The following DNER variants were observed in gnomAD, a reference collection of about 807,000 sequenced individuals.
DNER encodes the protein delta and Notch-like epidermal growth factor-related receptor.
Under a neutral mutation model 78.2 loss-of-function variants are expected in DNER, and 33 were observed. The ratio of observed to expected loss-of-function variants is 0.42; its 90% CI spans 0.32 to 0.56. The LOEUF (loss-of-function observed/expected upper bound fraction) is 0.56. DNER is among the 20% of genes least tolerant of loss of function. DNER has a pLI of 0.11. For synonymous variants in DNER, 417 were observed against 384.8 expected (o/e 1.08, Z -0.98); for missense variants, 918 against 975.3 (o/e 0.94, Z 0.78).
intron 1 of DNER, among the ~76,000 whole-genome samples, chr2:229,692,216 T>C (rs1181884884): frequency 6.6e-6 from 1 of 152,234 alleles, no homozygotes; most frequent in Non-Finnish European, 1.5e-5. Flanking sequence ...AGAAGAACCC[T>C]GATCTGACCT....
At chr2:229,671,887 A>AGT (rs1211382586) in intron 1 of DNER, among the ~76,000 whole-genome samples, 1 of 152,252 alleles carries the variant, frequency 6.6e-6, no homozygotes, top group Non-Finnish European at 1.5e-5. Flanking sequence ...CACTGAGTGT[A>AGT]GTGCCTGGTG....
At chr2:229,663,921 C>T (rs1559200193) in intron 1 of DNER, among the ~76,000 whole-genome samples, 3 of 152,108 alleles carry the variant, frequency 2.0e-5, no homozygotes, top group Non-Finnish European at 2.9e-5. Context: ...TCCACCTCCT[C>T]GGCTCAAGCG....
chr2:229,397,463 C>CAAAAAAAAAAAAAAAAAAAAAAAAA lies in DNER; in HGVS notation c.1724-9068_1724-9067insTTTTTTTTTTTTTTTTTTTTTTTTT, dbSNP rs763572496. The stretch of plus-strand genomic sequence containing the variant: ...ACTGCTCCACTCCAGCCAAACACTA[C>CAAAAAAAAAAAAAAAAAAAAAAAAA]AAAAAAAAAAAAAAAACTGCAAGTC... On this transcript the variant is annotated intron_variant, in intron 10 of 12. Transcript: ENST00000341772. Among the ~76,000 whole-genome samples the CAAAAAAAAAAAAAAAAAAAAAAAAA allele has an allele frequency of 7.2e-5, 7 of 96,582 alleles. 1 individual carries two copies. The highest frequency in any genetic ancestry group is 1.2e-4 in the Admixed American group (1 of 8,316). 63.4% of individuals were successfully genotyped at this position (96,582 alleles called of 152,430 possible).
At chr2:229,604,671 G>T (rs1697899796) in intron 1 of DNER, among the ~76,000 whole-genome samples, 1 of 152,108 alleles carries the variant, frequency 6.6e-6, no homozygotes, top group Admixed American at 6.5e-5. Flanking sequence ...AATTCCCTCT[G>T]CTCTCTTTTC....
intron 5 of DNER, among the ~76,000 whole-genome samples, chr2:229,526,004 T>C (rs992576792): frequency 2.6e-5 from 4 of 152,256 alleles, no homozygotes; most frequent in African/African-American, 9.6e-5. Flanking sequence ...GATTTCATTA[T>C]TTTAATATTG....
chr2:229,638,225 T>C (rs1698559392), intron 1 of DNER, among the ~76,000 whole-genome samples: 5 of 152,238 alleles, frequency 3.3e-5, no homozygotes, highest in Admixed American at 3.3e-4. Flanking sequence ...CAGTCTAAAA[T>C]TTATGTGGAA....
intron 5 of DNER, among the ~76,000 whole-genome samples, chr2:229,532,483 A>G (rs772508223): frequency 6.8e-6 from 1 of 147,564 alleles, no homozygotes; most frequent in Non-Finnish European, 1.5e-5. Context: ...ACTTATCAAA[A>G]AGGCAAGCCA....
At chr2:229,582,908 G>A (rs542818887) in intron 4 of DNER, among the ~76,000 whole-genome samples, 2 of 152,206 alleles carry the variant, frequency 1.3e-5, no homozygotes, top group African/African-American at 4.8e-5. Context: ...CAAAGTGCTC[G>A]GATTACGGGC....
At chr2:229,610,535 T>C (rs1353143482) in intron 1 of DNER, among the ~76,000 whole-genome samples, 1 of 152,168 alleles carries the variant, frequency 6.6e-6, no homozygotes, top group East Asian at 1.9e-4. Flanking sequence ...TGCGCAGAAA[T>C]GTGTCATTTC....
In DNER at chr2:229,515,643, T is replaced by A. The variant is rs6729735; in HGVS notation, c.994-2707A>T. ...AAATATCTTCAAGTTAGCTTTATTTTTTTATTTTTTTTTTTTTGAGACAGT... is the reference window on the plus strand; with the variant it reads ...AAATATCTTCAAGTTAGCTTTATTTATTTATTTTTTTTTTTTTGAGACAGT... On this transcript the variant is annotated intron_variant, in intron 5 of 12. Coordinates refer to ENST00000341772, the MANE Select transcript of DNER (RefSeq NM_139072.4). 6.3e-3 allele frequency among the ~76,000 whole-genome samples: 678 copies of A among 107,480 alleles called. 4 individuals are homozygous for A. The highest frequency in any genetic ancestry group is 0.02 in the African/African-American group (550 of 27,824). 70.5% of individuals were successfully genotyped at this position (107,480 alleles called of 152,430 possible). A position where few individuals can be genotyped will look rare whatever the true frequency, so the allele number is the denominator to read the frequency against.
intron 4 of DNER, among the ~76,000 whole-genome samples, chr2:229,577,364 G>A: frequency 6.6e-6 from 1 of 152,178 alleles, no homozygotes; most frequent in East Asian, 1.9e-4. Flanking sequence ...TAGAAAATGG[G>A]CAGTTCTAGA....
chr2:229,627,389 G>C (rs1024307140), intron 1 of DNER, among the ~76,000 whole-genome samples: 1 of 152,170 alleles, frequency 6.6e-6, no homozygotes, highest in African/African-American at 2.4e-5. Context: ...CACAACTTTA[G>C]ACATAACAGA....
intron 1 of DNER, among the ~76,000 whole-genome samples, chr2:229,598,544 C>T (rs1041382791): frequency 2.6e-5 from 4 of 152,090 alleles, no homozygotes; most frequent in Non-Finnish European, 2.9e-5. Context: ...TTACCCACCC[C>T]AACACCTTTA....
intron 4 of DNER, among the ~76,000 whole-genome samples, chr2:229,582,894 C>T (rs1300121118): frequency 6.6e-6 from 1 of 152,164 alleles, no homozygotes; most frequent in Non-Finnish European, 1.5e-5. Flanking sequence ...CCGCCTCAGC[C>T]TCCCAAAGTG....
chr2:229,411,075 C>T (rs7604135), intron 9 of DNER, among the ~76,000 whole-genome samples: 41,936 of 152,002 alleles, frequency 0.28, 6,024 homozygotes, highest in South Asian at 0.36. Flanking sequence ...AATAACAGCC[C>T]AAAGAAGGAA....
intron 1 of DNER, among the ~76,000 whole-genome samples, chr2:229,713,737 G>C (rs1366059913): frequency 2.0e-5 from 3 of 152,244 alleles, no homozygotes; most frequent in Non-Finnish European, 4.4e-5. Flanking sequence ...CGGACGTGGA[G>C]CGTGGACCAC....
rs1694639419 is a variant in DNER, at chr2:229,459,215, T to C, written c.1262-11675A>G. ...ATTGATTTACTGCAGTACTAATTAT[T>C]TGGGGATGCCTATTGTTTATAACTA... On this transcript the variant is annotated intron_variant, in intron 7 of 12. Transcript: ENST00000341772. Among the ~76,000 whole-genome samples, 4 of 152,234 alleles carry C rather than the reference T, an allele frequency of 2.6e-5. 1 individual carries two copies. The highest frequency in any genetic ancestry group is 7.2e-5 in the African/African-American group (3 of 41,506).
At chr2:229,593,597 A>C (rs960112555) in intron 1 of DNER, among the ~76,000 whole-genome samples, 1 of 152,250 alleles carries the variant, frequency 6.6e-6, no homozygotes, top group African/African-American at 2.4e-5. Flanking sequence ...ACTTTAAAAA[A>C]AATTGTTGGA....
At chr2:229,428,310 G>A (rs1163426597) in intron 8 of DNER, among the ~76,000 whole-genome samples, 1 of 152,052 alleles carries the variant, frequency 6.6e-6, no homozygotes, top group Non-Finnish European at 1.5e-5. Flanking sequence ...GATGAGAGTG[G>A]TGACAGGGCC....
Sources: allele counts gnomAD v4.1 joint callset (sites outside exome capture counted in the v4.1 genomes callset), GRCh38; gene constraint gnomAD v4.1.1; transcripts MANE v1.5; gene names NCBI Gene and HGNC (gene_info 2026-07-23, HGNC 2026-07-21).